The following CNOT6 variants were observed in gnomAD, a reference collection of about 807,000 sequenced individuals.
CNOT6 encodes carbon catabolite repression 4 protein.
A neutral mutation model predicts 61.2 loss-of-function variants in CNOT6; 12 were observed. The ratio of observed to expected loss-of-function variants is 0.20; its 90% CI spans 0.13 to 0.32. CNOT6 has a LOEUF of 0.32. CNOT6 is among the 10% of genes least tolerant of loss of function. The pLI, the probability that CNOT6 is intolerant of heterozygous loss-of-function variation, is 1.00. For synonymous variants in CNOT6, 225 were observed against 240.6 expected (o/e 0.94, Z 0.60); for missense variants, 405 against 663.9 (o/e 0.61, Z 4.28).
intron 1 of CNOT6, among the ~76,000 whole-genome samples, chr5:180,513,731 C>T (rs922302734): frequency 1.7e-4 from 26 of 149,176 alleles, no homozygotes; most frequent in Admixed American, 8.7e-4. Flanking sequence ...GAGATGGAGT[C>T]GTGCTCTGCT....
chr5:180,512,011 T>C (rs1757421770), intron 1 of CNOT6, among the ~76,000 whole-genome samples: 3 of 152,224 alleles, frequency 2.0e-5, no homozygotes, highest in Non-Finnish European at 2.9e-5. Flanking sequence ...TTGAAATTTG[T>C]AGTTTCATTC....
intron 8 of CNOT6, 55 bp downstream of exon 8, chr5:180,567,297 G>T: frequency 6.7e-7 from 1 of 1,502,296 alleles, no homozygotes; most frequent in South Asian, 1.3e-5. Flanking sequence ...CAGGGTGGGG[G>T]CCAAGGGTGT....
chr5:180,549,453 T>G (rs1022658705), intron 2 of CNOT6, among the ~76,000 whole-genome samples: 5 of 151,968 alleles, frequency 3.3e-5, no homozygotes, highest in Non-Finnish European at 7.4e-5. Context: ...ATCGAGACCA[T>G]CCTTGTTAAC....
intron 4 of CNOT6, among the ~76,000 whole-genome samples, chr5:180,560,909 TTTG>T (rs759195040): frequency 6.6e-6 from 1 of 151,460 alleles, no homozygotes; most frequent in African/African-American, 2.4e-5. Context: ...CTTTGTTCTT[TTTG>T]TTGTTGTTGG....
intron 11 of CNOT6, among the ~76,000 whole-genome samples, chr5:180,573,598 T>TCC (rs1260966493): frequency 2.4e-5 from 1 of 41,362 alleles, no homozygotes; most frequent in African/African-American, 9.0e-5. Flanking sequence ...TGTGTGTGTG[T>TCC]GTGTCCGTCC....
At position 180,564,578 on chromosome 5, in the gene CNOT6, G is replaced by T. The variant is rs758836483; in HGVS notation, c.475G>T (p.Gly159Cys). ...GAACTATTTGCTTGATAATTTGTCA[G>T]GTACTGCAAAAAGAAGTAAGTGGTT... ...LLNYLLDNLS[G>C]TAKRITTEQP... is the part of the protein sequence containing the mutation. The change falls in exon 5 of 12, where the codon GGT becomes TGT. Residue 159 changes from glycine (G) to cysteine (C), a missense_variant. Physicochemically the swap from Gly to Cys is radical, Grantham distance 159 (BLOSUM62 -3). Transcript: ENST00000261951. 6.2e-7 allele frequency: 1 copy of T among 1,613,470 alleles called. No individual in the cohort carries two copies. Among genetic ancestry groups the T allele is most frequent in the African/African-American group, 1.3e-5 (1 of 74,886 alleles).
chr5:180,540,516 C>T (rs1227836108), intron 2 of CNOT6, among the ~76,000 whole-genome samples: 2 of 152,112 alleles, frequency 1.3e-5, no homozygotes, highest in Non-Finnish European at 2.9e-5. Flanking sequence ...TTCACTTTCA[C>T]TACAGTATTC....
At chr5:180,533,378 C>T (rs74826245) in intron 2 of CNOT6, among the ~76,000 whole-genome samples, 225 of 148,122 alleles carry the variant, frequency 1.5e-3, no homozygotes, top group Non-Finnish European at 2.6e-3. Flanking sequence ...AGAGGGGAGA[C>T]GCCTCTAAAG....
chr5:180,532,142 A>C (rs1758423384), intron 2 of CNOT6, among the ~76,000 whole-genome samples: 1 of 152,228 alleles, frequency 6.6e-6, no homozygotes. Context: ...AAAGAGAAAT[A>C]TGCACTAATT....
chr5:180,515,257 A>G (rs1374583658), intron 1 of CNOT6, among the ~76,000 whole-genome samples: 11 of 91,466 alleles, frequency 1.2e-4, no homozygotes, highest in Non-Finnish European at 2.5e-4. Context: ...CCATCTCTAC[A>G]AAAAAAAAAA....
At chr5:180,501,686 C>G (rs191608946) in intron 1 of CNOT6, among the ~76,000 whole-genome samples, 66 of 152,282 alleles carry the variant, frequency 4.3e-4, no homozygotes, top group African/African-American at 1.5e-3. Flanking sequence ...AAGTGTGAAA[C>G]TTATGGACCA....
At chr5:180,506,666 C>G (rs997258815) in intron 1 of CNOT6, among the ~76,000 whole-genome samples, 1 of 152,156 alleles carries the variant, frequency 6.6e-6, no homozygotes, top group Non-Finnish European at 1.5e-5. Context: ...CTCAGGCTAT[C>G]CCAGAACCAG....
intron 1 of CNOT6, among the ~76,000 whole-genome samples, chr5:180,502,181 A>G (rs1561629238): frequency 1.3e-5 from 2 of 152,194 alleles, no homozygotes; most frequent in African/African-American, 4.8e-5. Context: ...TATTGCGTGT[A>G]TGTTTCCAAA....
chr5:180,558,510 T>A (rs1358132002), intron 4 of CNOT6, among the ~76,000 whole-genome samples: 2 of 140,278 alleles, frequency 1.4e-5, no homozygotes, highest in African/African-American at 2.6e-5. Context: ...AGAAACACCT[T>A]AAAAAAAAAA....
chr5:180,512,741 CA>C (rs561689319), intron 1 of CNOT6, among the ~76,000 whole-genome samples: 115 of 150,854 alleles, frequency 7.6e-4, no homozygotes, highest in East Asian at 6.9e-3. Context: ...GGATTACAGG[CA>C]TGCACCACCA....
intron 2 of CNOT6, among the ~76,000 whole-genome samples, chr5:180,531,870 G>A (rs1434670923): frequency 6.6e-6 from 1 of 152,232 alleles, no homozygotes; most frequent in African/African-American, 2.4e-5. Context: ...TGCAATCCCA[G>A]GCACTCTGCA....
At chr5:180,564,167 G>A (rs557130653) in intron 4 of CNOT6, among the ~76,000 whole-genome samples, 3 of 152,164 alleles carry the variant, frequency 2.0e-5, no homozygotes, top group East Asian at 1.9e-4. Context: ...TGCCTGCCCC[G>A]TTCGTGTTTT....
chr5:180,516,336 C>T (rs1212629045), intron 1 of CNOT6, among the ~76,000 whole-genome samples: 2 of 152,052 alleles, frequency 1.3e-5, no homozygotes, highest in East Asian at 1.9e-4. Flanking sequence ...CATGCCACCA[C>T]ACCCGGCTAA....
chr5:180,507,043 A>G (rs919631231), intron 1 of CNOT6, among the ~76,000 whole-genome samples: 1 of 152,186 alleles, frequency 6.6e-6, no homozygotes, highest in East Asian at 1.9e-4. Flanking sequence ...TGGGAGGGAT[A>G]TGGAGGAAGG....
Sources: gnomAD v4.1 joint callset for allele counts (sites outside exome capture counted in the v4.1 genomes callset) on GRCh38, gnomAD v4.1.1 for gene constraint, MANE v1.5 for transcripts, NCBI Gene and HGNC (gene_info 2026-07-23, HGNC 2026-07-21) for gene names.